Variants in FANCI observed in about 807,000 individuals in gnomAD.
The protein encoded by FANCI is Fanconi anemia group I protein.
A neutral mutation model predicts 176.1 loss-of-function variants in FANCI; 156 were observed. The observed-to-expected ratio is 0.89, with a 90% CI of 0.78 to 1.01. The LOEUF (loss-of-function observed/expected upper bound fraction) is 1.01. Among genes scored for constraint, FANCI ranks in the 50% least tolerant of loss-of-function variants. The pLI, the probability that FANCI is intolerant of heterozygous loss-of-function variation, is 0.00. For missense variants in FANCI, 1,678 were observed against 1,534.1 expected, an observed-to-expected ratio of 1.09 and a Z score of -1.57; for synonymous variants, 613 against 541.7, an observed-to-expected ratio of 1.13 and a Z score of -1.83.
At chr15:89,284,996 A>G in intron 17 of FANCI, 100 bp from the exon 18 acceptor site, 1 of 1,461,026 alleles carries the variant, frequency 6.8e-7, no homozygotes, top group Non-Finnish European at 9.6e-7. Context: ...TGGCATGTGG[A>G]GGAAGCTAAG....
rs936355242 is a variant in FANCI, at chr15:89,264,514, G to C, written c.670-8G>C. On this transcript the variant is annotated splice_region_variant and splice_polypyrimidine_tract_variant and intron_variant, in intron 8 of 37. Coordinates refer to ENST00000310775, the MANE Select transcript of FANCI (RefSeq NM_001113378.2). Reference sequence around the variant, plus strand: ...TGGGAGACCTTACCAATTTTGTATTGTTTTCAGGGAAGCAGAAAGAGTGTT... The same window carrying C: ...TGGGAGACCTTACCAATTTTGTATTCTTTTCAGGGAAGCAGAAAGAGTGTT... 6.2e-7 allele frequency: 1 copy of C among 1,612,636 alleles called. No individual in the cohort carries two copies. Among genetic ancestry groups the C allele is most frequent in the African/African-American group, 1.3e-5 (1 of 74,878 alleles).
chr15:89,250,571 G>A (rs776334505), intron 2 of FANCI, among the ~76,000 whole-genome samples: 1 of 150,940 alleles, frequency 6.6e-6, no homozygotes, highest in East Asian at 2.0e-4. Context: ...GGGAGGGATA[G>A]CATTAGGAGA....
Position 89,292,855 on chromosome 15 carries a change from C to T in FANCI, c.2160C>T (p.Asp720=). The part of the protein sequence containing the change: ...TNRMIKSELE[D]FELDKSADFS... ...GAATGATTAAGAGTGAGCTGGAAGA[C>T]TTTGAACTGGTAATTGCTAAGTCCT... The change falls in exon 21 of 38, where the codon GAC becomes GAT. Residue 720 remains aspartate, a synonymous_variant. Coordinates refer to ENST00000310775, the MANE Select transcript of FANCI (RefSeq NM_001113378.2). The T allele has an allele frequency of 6.2e-7, 1 of 1,614,034 alleles. No individual in the cohort carries two copies. Among genetic ancestry groups the T allele is most frequent in the Non-Finnish European group, 8.5e-7 (1 of 1,179,972 alleles).
At chr15:89,299,471 G>C (rs969440570) in intron 24 of FANCI, among the ~76,000 whole-genome samples, 1 of 152,150 alleles carries the variant, frequency 6.6e-6, no homozygotes, top group South Asian at 2.1e-4. Flanking sequence ...TATCCCTGAT[G>C]AATATAGAGT....
At chr15:89,306,227 C>T (rs1385842952) in intron 32 of FANCI, 33 bp downstream of exon 32, 9 of 1,606,814 alleles carry the variant, frequency 5.6e-6, no homozygotes, top group Non-Finnish European at 7.7e-6. Flanking sequence ...TTCGCCCCAC[C>T]ATTCTACCCC....
chr15:89,288,548 C>A (rs918332574), intron 18 of FANCI, among the ~76,000 whole-genome samples: 1 of 150,940 alleles, frequency 6.6e-6, no homozygotes, highest in African/African-American at 2.4e-5. Flanking sequence ...TTAATATGAT[C>A]CTTTTACACT....
chr15:89,259,600 A>G (rs558825570), intron 3 of FANCI, among the ~76,000 whole-genome samples: 24 of 152,150 alleles, frequency 1.6e-4, no homozygotes, highest in Non-Finnish European at 2.6e-4. Flanking sequence ...TTTTAAAACA[A>G]TTTCCTTACC....
chr15:89,294,856 T>G (rs2054193490), intron 23 of FANCI, 59 bp from the exon 24 acceptor site: 1 of 1,513,778 alleles, frequency 6.6e-7, no homozygotes, highest in South Asian at 1.2e-5. Flanking sequence ...CTTAATTCCA[T>G]ATACCAATAG....
At chr15:89,300,005 T>C (rs767219090) in intron 25 of FANCI, 39 bp downstream of exon 25, 7 of 1,608,796 alleles carry the variant, frequency 4.4e-6, no homozygotes, top group Non-Finnish European at 2.6e-6. Context: ...TTGATTTAGG[T>C]TTCTCCTTAG....
chr15:89,314,802 C>T (rs1475405956), intron 36 of FANCI, 95 bp downstream of exon 36: 14 of 802,694 alleles, frequency 1.7e-5, no homozygotes, highest in Non-Finnish European at 2.7e-5. Context: ...GGAAAAGAGA[C>T]TCTGGGCCAT....
intron 37 of FANCI, 83 bp from the exon 38 acceptor site, chr15:89,316,314 A>G (rs1477086426): frequency 4.5e-6 from 6 of 1,335,372 alleles, no homozygotes; most frequent in Admixed American, 4.0e-5. Context: ...ATGAGAAGAT[A>G]GAGTCTTTTT....
chr15:89,263,912 T>A lies in FANCI; in HGVS notation c.555T>A (p.Pro185=). ...AATCTTTGATCCACAGGGATGTCCC[T>A]CTGACTGCAGAAGAGGTGGAATTTG... ...IQLTSMFKDV[P]LTAEEVEFVV... Residue 185 remains proline (P), a synonymous_variant, in exon 8 of 38, where the codon CCT becomes CCA. Coordinates refer to ENST00000310775, the MANE Select transcript of FANCI (RefSeq NM_001113378.2). The A allele has an allele frequency of 6.2e-7, 1 of 1,614,108 alleles. No homozygotes were observed.
chr15:89,292,638 G>A (rs1367337229), intron 20 of FANCI, 50 bp from the exon 21 acceptor site: 2 of 1,566,632 alleles, frequency 1.3e-6, no homozygotes, highest in South Asian at 2.2e-5. Context: ...AACTTTATAA[G>A]TTATCCATCA....
At chr15:89,281,552 T>G (rs575807360) in intron 15 of FANCI, among the ~76,000 whole-genome samples, 1 of 152,356 alleles carries the variant, frequency 6.6e-6, no homozygotes, top group South Asian at 2.1e-4. Flanking sequence ...AGAACATTAT[T>G]GACTACAATA....
chr15:89,285,682 A>T (rs907613285), intron 18 of FANCI, among the ~76,000 whole-genome samples: 2 of 152,182 alleles, frequency 1.3e-5, no homozygotes, highest in African/African-American at 4.8e-5. Context: ...TTTTATTTTA[A>T]TTTGAAATAT....
rs550848948 is a variant in FANCI at position 89,311,084 on chromosome 15, C to T, written c.3652-1820C>T. Among the ~76,000 whole-genome samples the T allele has an allele frequency of 8.7e-5, 13 of 148,822 alleles. 1 individual carries two copies. Among genetic ancestry groups the T allele is most frequent in the African/African-American group, 2.6e-4 (10 of 38,372 alleles). ...TAGCCCGGCCAACATGGTGAAACCC[C>T]ATTTCTACTAAAAAAAATACAAAAA... is the stretch of plus-strand genomic sequence containing the variant. On this transcript the variant is annotated intron_variant, in intron 34 of 37. Transcript: ENST00000310775.
rs2055290307 is a variant in FANCI, at chr15:89,316,997, A to G, written c.*538A>G. On this transcript the variant is annotated 3_prime_UTR_variant, in exon 38 of 38. Transcript: ENST00000310775. ...GGAGGGTCTGTTTTCTTTTTATATA[A>G]GTGTGTCTTAGATATATTTTAAATA... 1 of 646,922 alleles carries G rather than the reference A, an allele frequency of 1.5e-6. No homozygotes were observed. Among genetic ancestry groups the G allele is most frequent in the Admixed American group, 2.6e-5 (1 of 38,670 alleles). The allele number at this position is 646,922 out of a possible 1,614,324, so 40.1% of individuals were successfully genotyped here. A position where few individuals can be genotyped will look rare whatever the true frequency, so the allele number is the denominator to read the frequency against.
At chr15:89,250,877 CAAATG>C (rs2052218151) in intron 2 of FANCI, among the ~76,000 whole-genome samples, 1 of 150,676 alleles carries the variant, frequency 6.6e-6, no homozygotes, top group African/African-American at 2.4e-5. Flanking sequence ...GAAATCAATA[CAAATG>C]AAATAATGAA....
Position 89,285,122 on chromosome 15 carries a change from C to A in FANCI, c.1725C>A (p.Tyr575Ter). Residue 575 changes from tyrosine to a stop codon, truncating the protein, a stop_gained, in exon 18 of 38, where the codon TAC becomes TAA. Transcript: ENST00000310775. LOFTEE classifies it high-confidence loss of function. ...SQVHVDVHSH[Y>*]NSVANETFCL... is the part of the protein sequence containing the mutation. ...TTCATGTGGATGTTCACAGCCATTA[C>A]AATTCTGTCGCCAATGAAACTTTTT... 6.2e-7 allele frequency: 1 copy of A among 1,614,104 alleles called. No homozygotes were observed. Among genetic ancestry groups the A allele is most frequent in the Non-Finnish European group, 8.5e-7 (1 of 1,180,014 alleles).
Sources: allele counts gnomAD v4.1 joint callset (sites outside exome capture counted in the v4.1 genomes callset), GRCh38; gene constraint gnomAD v4.1.1; transcripts MANE v1.5; gene names NCBI Gene and HGNC (gene_info 2026-07-23, HGNC 2026-07-21).